The following SETD3 variants were observed in gnomAD, a reference collection of about 807,000 sequenced individuals.
The protein encoded by SETD3 is SET domain containing 3, actin N3(tau)-histidine methyltransferase, also known as actin-histidine N-methyltransferase.
Under a neutral mutation model 63.0 loss-of-function variants are expected in SETD3, and 19 were observed. The observed-to-expected ratio is 0.30, with a 90% CI of 0.21 to 0.44. The LOEUF (loss-of-function observed/expected upper bound fraction) is 0.44. SETD3 is among the 20% of genes least tolerant of loss of function. The pLI is 1.00. For missense variants in SETD3, 587 were observed against 728.5 expected (o/e 0.81, Z 2.24); for synonymous variants, 286 against 264.1 (o/e 1.08, Z -0.80).
chr14:99,469,316 C>G (rs1895568304), intron 1 of SETD3, among the ~76,000 whole-genome samples: 1 of 152,206 alleles, frequency 6.6e-6, no homozygotes, highest in African/African-American at 2.4e-5. Flanking sequence ...GATGTTTATG[C>G]AGTCACTGAA....
intron 1 of SETD3, among the ~76,000 whole-genome samples, chr14:99,477,234 T>C (rs1896018845): frequency 6.6e-6 from 1 of 152,226 alleles, no homozygotes; most frequent in Non-Finnish European, 1.5e-5. Context: ...AATTTTATAA[T>C]CATTTGGAAT....
chr14:99,466,754 C>T, intron 1 of SETD3, among the ~76,000 whole-genome samples: 1 of 152,070 alleles, frequency 6.6e-6, no homozygotes, highest in East Asian at 1.9e-4. Flanking sequence ...GGGTGATAGT[C>T]ACTGCCAGAG....
At chr14:99,430,113 T>C (rs1182292561) in intron 6 of SETD3, among the ~76,000 whole-genome samples, 1 of 152,182 alleles carries the variant, frequency 6.6e-6, no homozygotes, top group African/African-American at 2.4e-5. Context: ...CCAGGTGACT[T>C]ATGCTCACTC....
At chr14:99,468,392 C>G (rs1321857116) in intron 1 of SETD3, among the ~76,000 whole-genome samples, 1 of 152,096 alleles carries the variant, frequency 6.6e-6, no homozygotes, top group East Asian at 1.9e-4. Context: ...CACGCTGCCA[C>G]CACCCTAAAT....
At chr14:99,453,869 T>C (rs1894605202) in intron 6 of SETD3, among the ~76,000 whole-genome samples, 1 of 152,020 alleles carries the variant, frequency 6.6e-6, no homozygotes, top group South Asian at 2.1e-4. Flanking sequence ...CAATATGTAA[T>C]GATCCCTTCA....
intron 8 of SETD3, chr14:99,411,834 T>G (rs1343062567): frequency 2.6e-5 from 4 of 152,220 alleles, no homozygotes; most frequent in Admixed American, 2.6e-4. Context: ...ATATCTAAAT[T>G]AAGGCCAAAA....
At chr14:99,462,909 TA>T (rs1430242428) in intron 3 of SETD3, among the ~76,000 whole-genome samples, 3 of 152,214 alleles carry the variant, frequency 2.0e-5, no homozygotes, top group African/African-American at 7.2e-5. Flanking sequence ...TCCTGCATAA[TA>T]ATCTTTACTT....
intron 4 of SETD3, 107 bp downstream of exon 4, chr14:99,461,085 G>C: frequency 7.3e-7 from 1 of 1,360,714 alleles, no homozygotes; most frequent in Non-Finnish European, 1.0e-6. Flanking sequence ...CACAGGCTCA[G>C]AACTAGAACT....
chr14:99,484,500 T>G (rs1240801985), upstream of SETD3, among the ~76,000 whole-genome samples: 1 of 152,262 alleles, frequency 6.6e-6, no homozygotes, highest in Non-Finnish European at 1.5e-5. Context: ...TAAAAATTGC[T>G]TTTACCTGTT....
chr14:99,443,866 T>A (rs1595216844), intron 6 of SETD3, among the ~76,000 whole-genome samples: 1 of 152,196 alleles, frequency 6.6e-6, no homozygotes, highest in East Asian at 1.9e-4. Context: ...TGGAAAGGGC[T>A]GCCTTGCAAA....
chr14:99,455,155 C>T (rs1156742277), intron 6 of SETD3, among the ~76,000 whole-genome samples: 5 of 152,260 alleles, frequency 3.3e-5, no homozygotes, highest in Admixed American at 3.3e-4. Context: ...CTCACTTGGA[C>T]AGTGGATACA....
chr14:99,475,948 T>C (rs545103194), intron 1 of SETD3, among the ~76,000 whole-genome samples: 1 of 152,368 alleles, frequency 6.6e-6, no homozygotes, highest in East Asian at 1.9e-4. Flanking sequence ...ACTGAGTTTT[T>C]GAACCTAAAT....
intron 6 of SETD3, among the ~76,000 whole-genome samples, chr14:99,440,174 T>C (rs1459775293): frequency 6.6e-6 from 1 of 152,210 alleles, no homozygotes; most frequent in Admixed American, 6.5e-5. Context: ...ACTATGTTCT[T>C]CCCGATGAGA....
At chr14:99,416,407 C>G (rs1892293607) in intron 6 of SETD3, among the ~76,000 whole-genome samples, 1 of 152,146 alleles carries the variant, frequency 6.6e-6, no homozygotes, top group African/African-American at 2.4e-5. Context: ...CAAAGTGGTG[C>G]TTATAAAGGT....
upstream of SETD3, among the ~76,000 whole-genome samples, chr14:99,483,143 C>T (rs1290036574): frequency 6.6e-6 from 1 of 152,116 alleles, no homozygotes; most frequent in Non-Finnish European, 1.5e-5. Context: ...CTCTTGGCTA[C>T]TAGGAACCTA....
rs768342793 is a variant in SETD3 at position 99,465,816 on chromosome 14, A to G, written c.-8-3T>C. The G allele has an allele frequency of 2.2e-5, 35 of 1,599,558 alleles. No homozygotes were observed. The highest frequency in any genetic ancestry group is 2.7e-5 in the Non-Finnish European group (31 of 1,169,092). ...ACTCTTCTTACCCATTTTTCTGACT[A>G]CAGAGAAGAGAAAGAAAAGAGAAAA... On this transcript the variant is annotated splice_polypyrimidine_tract_variant and splice_region_variant and intron_variant, in intron 1 of 12. Transcript: ENST00000331768.
intron 6 of SETD3, among the ~76,000 whole-genome samples, chr14:99,417,752 G>A (rs1892359637): frequency 1.3e-5 from 2 of 152,146 alleles, no homozygotes; most frequent in African/African-American, 4.8e-5. Flanking sequence ...AAATACATTT[G>A]CGTTAAGGTT....
chr14:99,415,206 G>A (rs1366680121), intron 6 of SETD3, among the ~76,000 whole-genome samples: 3 of 152,174 alleles, frequency 2.0e-5, no homozygotes, highest in Non-Finnish European at 4.4e-5. Flanking sequence ...TCTAGGAAGT[G>A]GGAAAGTGTT....
At chr14:99,477,612 G>A (rs983209292) in intron 1 of SETD3, among the ~76,000 whole-genome samples, 1 of 151,894 alleles carries the variant, frequency 6.6e-6, no homozygotes, top group Non-Finnish European at 1.5e-5. Context: ...AAATTAGCCA[G>A]GCGTGGTGGC....
Sources: gnomAD v4.1 joint callset for allele counts (sites outside exome capture counted in the v4.1 genomes callset) on GRCh38, gnomAD v4.1.1 for gene constraint, MANE v1.5 for transcripts, NCBI Gene and HGNC (gene_info 2026-07-23, HGNC 2026-07-21) for gene names.